DCC: variants seen among roughly 807,000 people sequenced by gnomAD.
The protein encoded by DCC is DCC netrin 1 receptor, also known as netrin receptor DCC.
Under a neutral mutation model 172.5 loss-of-function variants are expected in DCC, and 58 were observed. The ratio of observed to expected loss-of-function variants is 0.34; its 90% CI spans 0.27 to 0.42. The LOEUF (loss-of-function observed/expected upper bound fraction) is 0.42. Ranked by LOEUF, DCC falls within the 10% of genes least tolerant of loss-of-function variation. The pLI is 1.00. For synonymous variants in DCC, 709 were observed against 644.5 expected (o/e 1.10, Z -1.52); for missense variants, 1,740 against 1,791.0 (o/e 0.97, Z 0.51).
intron 21 of DCC, among the ~76,000 whole-genome samples, chr18:53,432,717 A>T (rs1049425967): frequency 1.2e-4 from 18 of 149,078 alleles, no homozygotes; most frequent in African/African-American, 4.3e-4. Flanking sequence ...TGCTCTCCTT[A>T]AAGCAATGGG....
chr18:53,113,164 G>A (rs1056705014), intron 7 of DCC, among the ~76,000 whole-genome samples: 2 of 151,322 alleles, frequency 1.3e-5, no homozygotes, highest in African/African-American at 4.8e-5. Context: ...TGAAAACAAT[G>A]TAAAAGAGAA....
chr18:53,137,781 C>A (rs553272476), intron 7 of DCC, among the ~76,000 whole-genome samples: 49 of 151,910 alleles, frequency 3.2e-4, no homozygotes, highest in African/African-American at 1.1e-3. Flanking sequence ...ATAATTTTAG[C>A]AGAATGTCAT....
At chr18:52,545,706 A>G (rs889803459) in intron 1 of DCC, among the ~76,000 whole-genome samples, 8 of 152,214 alleles carry the variant, frequency 5.3e-5, no homozygotes, top group African/African-American at 1.9e-4. Flanking sequence ...GTTTACTTCT[A>G]TAAACAGCTT....
chr18:52,527,635 T>TGGAATGA (rs2032022903), intron 1 of DCC, among the ~76,000 whole-genome samples: 1 of 152,334 alleles, frequency 6.6e-6, no homozygotes, highest in African/African-American at 2.4e-5. Flanking sequence ...TGGAATGAGA[T>TGGAATGA]GACCATCTCA....
intron 1 of DCC, among the ~76,000 whole-genome samples, chr18:52,751,301 TTAAC>T (rs1296705982): frequency 1.4e-4 from 22 of 152,196 alleles, no homozygotes; most frequent in African/African-American, 5.3e-4. Context: ...ACAATATACT[TTAAC>T]TGATTATACT....
chr18:53,384,062 A>G (rs746504561), intron 15 of DCC, among the ~76,000 whole-genome samples: 1 of 152,146 alleles, frequency 6.6e-6, no homozygotes, highest in Non-Finnish European at 1.5e-5. Flanking sequence ...ACTTAGTCTT[A>G]GTTTATTAAA....
At chr18:53,300,718 G>A (rs1444927267) in intron 12 of DCC, among the ~76,000 whole-genome samples, 1 of 152,172 alleles carries the variant, frequency 6.6e-6, no homozygotes, top group Non-Finnish European at 1.5e-5. Context: ...GTGCTGGGGT[G>A]AGGGCAGCTA....
intron 1 of DCC, among the ~76,000 whole-genome samples, chr18:52,432,408 A>G (rs753295278): frequency 1.4e-4 from 22 of 152,008 alleles, no homozygotes; most frequent in Non-Finnish European, 3.1e-4. Context: ...TATTCCTTTT[A>G]TGTTCAAGAG....
intron 1 of DCC, among the ~76,000 whole-genome samples, chr18:52,469,202 C>T (rs1389161689): frequency 5.9e-5 from 9 of 152,062 alleles, no homozygotes; most frequent in African/African-American, 1.2e-4. Context: ...GGACTACAGG[C>T]GTCTGCCAGC....
intron 9 of DCC, among the ~76,000 whole-genome samples, chr18:53,193,867 T>C (rs1348241338): frequency 1.3e-5 from 2 of 152,142 alleles, no homozygotes; most frequent in African/African-American, 4.8e-5. Flanking sequence ...CTTTTTTTCA[T>C]TATGTAGAAA....
At chr18:53,365,479 T>G (rs1244879019) in intron 15 of DCC, among the ~76,000 whole-genome samples, 1 of 151,888 alleles carries the variant, frequency 6.6e-6, no homozygotes, top group South Asian at 2.1e-4. Flanking sequence ...CAGCAAACTT[T>G]TTATTTTCTG....
chr18:53,189,354 C>G (rs753563500), intron 9 of DCC, among the ~76,000 whole-genome samples: 4 of 151,876 alleles, frequency 2.6e-5, no homozygotes, highest in Non-Finnish European at 2.9e-5. Context: ...AAATCCAAAC[C>G]TGTGGTCAAT....
At chr18:52,700,272 GCACACATGCACACACATGCACATCCACA>G (rs140574518) in intron 1 of DCC, among the ~76,000 whole-genome samples, 22,059 of 132,300 alleles carry the variant, frequency 0.17, 2,067 homozygotes, top group Middle Eastern at 0.3. Flanking sequence ...ACACTCTTGT[GCACACATGCACACACATGCACATCCACA>G]CACACATGCA....
chr18:53,111,579 T>C (rs1418053992), intron 7 of DCC, among the ~76,000 whole-genome samples: 1 of 151,524 alleles, frequency 6.6e-6, no homozygotes, highest in Non-Finnish European at 1.5e-5. Context: ...AATTTTAGGT[T>C]ATCAGTCTGC....
In DCC at chr18:53,235,294, G is replaced by A. The variant is rs554645234; in HGVS notation, c.1911+19697G>A. The stretch of plus-strand genomic sequence containing the variant: ...AGACTCATTATCCCTGCTGGATGTG[G>A]GCACAAATTCACATTATTTCCATGG... On this transcript the variant is annotated intron_variant, in intron 12 of 28. Transcript: ENST00000442544. Among the ~76,000 whole-genome samples the A allele has an allele frequency of 3.9e-5, 6 of 152,186 alleles. No homozygotes were observed. The East Asian group carries it at 1.2e-3, about 29-fold the overall frequency.
intron 1 of DCC, among the ~76,000 whole-genome samples, chr18:52,607,221 C>G (rs115014646): frequency 6.6e-6 from 1 of 152,178 alleles, no homozygotes; most frequent in African/African-American, 2.4e-5. Flanking sequence ...AAAGAGATGA[C>G]CACTCTGAGC....
At chr18:52,570,636 G>A (rs2033271475) in intron 1 of DCC, among the ~76,000 whole-genome samples, 1 of 152,136 alleles carries the variant, frequency 6.6e-6, no homozygotes, top group African/African-American at 2.4e-5. Context: ...ACTGTTTTGT[G>A]TCATATTATG....
intron 23 of DCC, among the ~76,000 whole-genome samples, chr18:53,457,540 A>G (rs2045498858): frequency 6.6e-6 from 1 of 152,210 alleles, no homozygotes; most frequent in Non-Finnish European, 1.5e-5. Context: ...GATCTTCTAG[A>G]AAGAGAGATA....
chr18:53,386,673 C>T (rs1425627758), intron 16 of DCC, among the ~76,000 whole-genome samples: 2 of 152,114 alleles, frequency 1.3e-5, no homozygotes, highest in Admixed American at 6.5e-5. Flanking sequence ...CCAGCAGTGC[C>T]CAGGGCCTCA....
Sources: gnomAD v4.1 joint callset for allele counts (sites outside exome capture counted in the v4.1 genomes callset) on GRCh38, gnomAD v4.1.1 for gene constraint, MANE v1.5 for transcripts, NCBI Gene and HGNC (gene_info 2026-07-23, HGNC 2026-07-21) for gene names.